FOXP4: variants seen among roughly 807,000 people sequenced by gnomAD.
The protein encoded by FOXP4 is forkhead box P4.
FOXP4 carries 25 observed loss-of-function variants against 82.6 expected under a neutral mutation model. The ratio of observed to expected loss-of-function variants is 0.30; its 90% confidence interval spans 0.22 to 0.42. The LOEUF is 0.42. Ranked by LOEUF, FOXP4 falls within the 10% of genes least tolerant of loss-of-function variation. The pLI, the probability that FOXP4 is intolerant of heterozygous loss-of-function variation, is 1.00. For synonymous variants in FOXP4, 415 were observed against 388.2 expected (o/e 1.07, Z -0.81); for missense variants, 785 against 900.9 (o/e 0.87, Z 1.65).
At chr6:41,550,259 A>G (rs984422995) in intron 1 of FOXP4, among the ~76,000 whole-genome samples, 1 of 152,138 alleles carries the variant, frequency 6.6e-6, no homozygotes, top group Non-Finnish European at 1.5e-5. Context: ...ATTTTCTTAC[A>G]TTGTAAAGTA....
chr6:41,586,798 G>A (rs985955952), intron 5 of FOXP4, among the ~76,000 whole-genome samples: 1 of 151,592 alleles, frequency 6.6e-6, no homozygotes, highest in Non-Finnish European at 1.5e-5. Context: ...GCGCGCGTGC[G>A]TGCGTGCGTG....
At chr6:41,598,093 C>T (rs917600303) in intron 16 of FOXP4, 143 bp downstream of exon 16, 1 of 623,644 alleles carries the variant, frequency 1.6e-6, no homozygotes, top group African/African-American at 1.9e-5. Flanking sequence ...TCTTCCTTCC[C>T]TCAGCCCTCT....
At chr6:41,552,913 G>C (rs1764080261) in intron 1 of FOXP4, among the ~76,000 whole-genome samples, 1 of 152,098 alleles carries the variant, frequency 6.6e-6, no homozygotes, top group Non-Finnish European at 1.5e-5. Flanking sequence ...TCACTCTTCG[G>C]CCTTAGGCAT....
At position 41,593,499 on chromosome 6, in the gene FOXP4, G is replaced by A. The variant is rs535106587; in HGVS notation, c.1537-1371G>A. 3.9e-5 allele frequency among the ~76,000 whole-genome samples: 6 copies of A among 152,174 alleles called. No individual in the cohort carries two copies. The highest frequency in any genetic ancestry group is 6.5e-5 in the Admixed American group (1 of 15,278). On this transcript the variant is annotated intron_variant, in intron 13 of 16. Coordinates refer to ENST00000307972, the MANE Select transcript of FOXP4 (RefSeq NM_001012426.2). The surrounding 1 kb of genome is among the most constrained non-coding windows in gnomAD (Gnocchi z 4.1). Reference sequence around the variant, plus strand: ...CTTAAATTGCCGTTAATGTTTCAGCGTAACGAATTAGTCTCTCATCACGAA... The same window carrying A: ...CTTAAATTGCCGTTAATGTTTCAGCATAACGAATTAGTCTCTCATCACGAA...
intron 1 of FOXP4, among the ~76,000 whole-genome samples, chr6:41,554,899 T>C (rs1018582051): frequency 1.3e-5 from 2 of 150,920 alleles, no homozygotes; most frequent in Non-Finnish European, 2.9e-5. Context: ...CAAGAAGATC[T>C]CAGAGAGAGG....
chr6:41,596,852 G>A (rs911877965), intron 14 of FOXP4, among the ~76,000 whole-genome samples: 7 of 152,020 alleles, frequency 4.6e-5, no homozygotes, highest in Non-Finnish European at 7.4e-5. Flanking sequence ...GAGAGAAAAC[G>A]GGTGGGGGGG....
chr6:41,579,505 A>G (rs1246400969), intron 3 of FOXP4, among the ~76,000 whole-genome samples: 1 of 152,158 alleles, frequency 6.6e-6, no homozygotes, highest in East Asian at 1.9e-4. Flanking sequence ...CAAACCAGAA[A>G]GGGGCTGCTG....
chr6:41,577,955 G>A (rs775923052), intron 2 of FOXP4, 31 bp from the exon 3 acceptor site: 7 of 1,570,070 alleles, frequency 4.5e-6, no homozygotes, highest in Non-Finnish European at 6.1e-6. Flanking sequence ...CAGCCTCCCA[G>A]GCCATTGCTG....
In FOXP4 at chr6:41,591,991, G is replaced by GT. The variant is rs1766539228; in HGVS notation, c.1536+669_1536+670insT. Among the ~76,000 whole-genome samples, 2 of 152,030 alleles carry GT rather than the reference G, an allele frequency of 1.3e-5. No individual in the cohort carries two copies. The highest frequency in any genetic ancestry group is 1.9e-4 in the East Asian group (1 of 5,184). Reference sequence around the variant, plus strand: ...ATTTATTTTTCTATAGCCAAAAGGGGGGTGTGTGTGTGTGTCTGTCTGTCT... The same window carrying GT: ...ATTTATTTTTCTATAGCCAAAAGGGGTGGTGTGTGTGTGTGTCTGTCTGTCT... On this transcript the variant is annotated intron_variant, in intron 13 of 16. Transcript: ENST00000307972. The surrounding 1 kb of genome is among the most constrained non-coding windows in gnomAD (Gnocchi z 4.2).
intron 14 of FOXP4, 134 bp downstream of exon 14, chr6:41,595,125 G>T: frequency 7.5e-7 from 1 of 1,329,226 alleles, no homozygotes; most frequent in Non-Finnish European, 1.0e-6. Flanking sequence ...TGGGGAGAAA[G>T]GAGCAGAGGA....
chr6:41,587,277 GCCTCC>G lies in FOXP4; in HGVS notation c.659-18_659-14del, dbSNP rs1399679113. 6.2e-7 allele frequency: 1 copy of G among 1,610,692 alleles called. No homozygotes were observed. Among genetic ancestry groups the G allele is most frequent in the Non-Finnish European group, 8.5e-7 (1 of 1,179,700 alleles). On this transcript the variant is annotated splice_polypyrimidine_tract_variant and intron_variant, in intron 6 of 16. Transcript: ENST00000307972. ...GCCGAGTGTTCGTGGGGCCCTGCCA[GCCTCC>G]CCTGTCTCTCCCACAGCAGCTGTTT...
rs1182337358 is a variant in FOXP4, at chr6:41,558,045, G to T, written c.-16-7700G>T. ...AGTTGGGGTAGGCAGCTTCTAGGAT[G>T]TCACAGTCATTGAGGGAGACTCCCA... is the stretch of plus-strand genomic sequence containing the variant. On this transcript the variant is annotated intron_variant, in intron 1 of 16. Transcript: ENST00000307972. This position sits in a 1 kb window ranked among gnomAD's most constrained non-coding sequence, Gnocchi z 4.0. Among the ~76,000 whole-genome samples the T allele has an allele frequency of 4.6e-5, 7 of 152,138 alleles. No homozygotes were observed. Among genetic ancestry groups the T allele is most frequent in the Non-Finnish European group, 1.5e-5 (1 of 68,028 alleles).
chr6:41,583,952 A>G (rs1306012588), intron 3 of FOXP4, among the ~76,000 whole-genome samples: 3 of 152,226 alleles, frequency 2.0e-5, no homozygotes, highest in Non-Finnish European at 4.4e-5. Flanking sequence ...CATCTCTTAC[A>G]GCATAGTCTC....
At chr6:41,547,511 C>T (rs935609174) in intron 1 of FOXP4, 11 of 152,324 alleles carry the variant, frequency 7.2e-5, no homozygotes, top group Non-Finnish European at 1.0e-4. Flanking sequence ...GAGGTCGCAC[C>T]TCGGAAGTGC....
rs533682449 is a variant in FOXP4, at chr6:41,588,647, C to T, written c.981C>T (p.His327=). Residue 327 remains histidine, a synonymous_variant, in exon 9 of 17, where the codon CAC becomes CAT. Coordinates refer to ENST00000307972, the MANE Select transcript of FOXP4 (RefSeq NM_001012426.2). Reference sequence around the variant, plus strand: ...TCCTCCTCTCTTCCCCTTGAAGACACCTCAACACAGAGCACGCCCTGGATG... The same window carrying T: ...TCCTCCTCTCTTCCCCTTGAAGACATCTCAACACAGAGCACGCCCTGGATG... ...LCEDLGQFIK[H]LNTEHALDDR... 32 of 1,614,126 alleles carry T rather than the reference C, an allele frequency of 2.0e-5. No individual in the cohort carries two copies. In the African/African-American group the frequency reaches 3.6e-4, roughly 18 times the overall value.
intron 1 of FOXP4, among the ~76,000 whole-genome samples, chr6:41,556,610 C>T (rs1764293158): frequency 6.6e-6 from 1 of 152,178 alleles, no homozygotes; most frequent in African/African-American, 2.4e-5. Flanking sequence ...AGGTGTGAGC[C>T]ACCGCGCCCG....
At chr6:41,559,819 G>C (rs1764466405) in intron 1 of FOXP4, among the ~76,000 whole-genome samples, 1 of 152,126 alleles carries the variant, frequency 6.6e-6, no homozygotes, top group Non-Finnish European at 1.5e-5. Flanking sequence ...CATCACCTAG[G>C]AACTTCTTAG....
intron 7 of FOXP4, 89 bp from the exon 8 acceptor site, chr6:41,587,704 C>G: frequency 1.0e-6 from 1 of 982,630 alleles, no homozygotes; most frequent in Non-Finnish European, 1.5e-6. Flanking sequence ...GCAGAAATGT[C>G]ACCAGCAGGG....
rs201424024 is a variant in FOXP4, at chr6:41,587,002, T to A, written c.511-7T>A. On this transcript the variant is annotated splice_polypyrimidine_tract_variant and splice_region_variant and intron_variant, in intron 5 of 16. Transcript: ENST00000307972. Reference sequence around the variant, plus strand: ...CTCTCTGCCCGCCCCCTCGGGCCCCTCACCAGGCACTGGGGAACAAGCAGC... The same window carrying A: ...CTCTCTGCCCGCCCCCTCGGGCCCCACACCAGGCACTGGGGAACAAGCAGC... 57 of 1,576,438 alleles carry A rather than the reference T, an allele frequency of 3.6e-5. No individual in the cohort carries two copies. The highest frequency in any genetic ancestry group is 4.2e-5 in the Non-Finnish European group (49 of 1,156,192).
Sources: gnomAD v4.1 joint callset for allele counts (sites outside exome capture counted in the v4.1 genomes callset) on GRCh38, gnomAD v4.1.1 for gene constraint, Gnocchi (gnomAD v3.1) non-coding constraint, MANE v1.5 for transcripts, NCBI Gene and HGNC (gene_info 2026-07-23, HGNC 2026-07-21) for gene names.